NCOR2: variants seen among roughly 807,000 people sequenced by gnomAD.
The protein encoded by NCOR2 is CTG repeat protein 26.
NCOR2 carries 81 observed loss-of-function variants against 262.9 expected under a neutral mutation model. The ratio of observed to expected loss-of-function variants is 0.31; its 90% CI spans 0.26 to 0.37. The LOEUF is 0.37. NCOR2 is among the 10% of genes least tolerant of loss of function. The pLI is 1.00. For synonymous variants in NCOR2, 1,659 were observed against 1,559.3 expected, an observed-to-expected ratio of 1.06 and a Z score of -1.51; for missense variants, 3,385 against 3,621.4, an observed-to-expected ratio of 0.93 and a Z score of 1.68.
chr12:124,506,890 G>C (rs977739167), intron 1 of NCOR2, among the ~76,000 whole-genome samples: 6 of 152,182 alleles, frequency 3.9e-5, no homozygotes, highest in Non-Finnish European at 8.8e-5. Flanking sequence ...TGCCAGAGTG[G>C]GGCTCAGGGA....
chr12:124,409,813 G>A lies in NCOR2; in HGVS notation c.1483-7252C>T, dbSNP rs564470836. ...CCACCTCAGCCTCCCAAGAAGCTCGGACCACAGCAGCAAGCCACCTCACCC... is the reference window on the plus strand; with the variant it reads ...CCACCTCAGCCTCCCAAGAAGCTCGAACCACAGCAGCAAGCCACCTCACCC... On this transcript the variant is annotated intron_variant, in intron 13 of 46. Coordinates refer to ENST00000405201, the Ensembl canonical transcript of NCOR2. Among the ~76,000 whole-genome samples the A allele has an allele frequency of 3.3e-5, 5 of 152,170 alleles. No individual in the cohort carries two copies. In the South Asian group the frequency reaches 6.2e-4, roughly 19 times the overall value.
rs376948669 is a variant in NCOR2 at position 124,446,102 on chromosome 12, A to G, written c.815+3713T>C. On this transcript the variant is annotated intron_variant, in intron 7 of 46. Coordinates refer to ENST00000405201, the Ensembl canonical transcript of NCOR2. ...GAGACAGTTTCTGCAGTCTAGCATG[A>G]GCGGTCACAAAACATCAGAGCCTGC... 9.2e-5 allele frequency among the ~76,000 whole-genome samples: 14 copies of G among 152,338 alleles called. No homozygotes were observed. The East Asian group carries it at 2.7e-3, about 29-fold the overall frequency.
chr12:124,441,618 G>C (rs1593557840), intron 7 of NCOR2, among the ~76,000 whole-genome samples: 1 of 152,226 alleles, frequency 6.6e-6, no homozygotes, highest in South Asian at 2.1e-4. Flanking sequence ...AATTTGCACA[G>C]TCTCAAAGAA....
chr12:124,524,412 G>C (rs975133433), intron 1 of NCOR2, among the ~76,000 whole-genome samples: 2 of 152,106 alleles, frequency 1.3e-5, no homozygotes, highest in Non-Finnish European at 2.9e-5. Flanking sequence ...AACAAATGTC[G>C]AGGACCTCAC....
chr12:124,331,264 T>C (rs2035169819), intron 43 of NCOR2, among the ~76,000 whole-genome samples: 1 of 152,096 alleles, frequency 6.6e-6, no homozygotes, highest in Non-Finnish European at 1.5e-5. Flanking sequence ...GGTTTCACCA[T>C]GTTGGTCAGG....
chr12:124,545,458 T>C (rs1295419238), intron 1 of NCOR2, among the ~76,000 whole-genome samples: 1 of 152,014 alleles, frequency 6.6e-6, no homozygotes, highest in Non-Finnish European at 1.5e-5. Flanking sequence ...CCCCATCAGC[T>C]TTCAGCCCCT....
chr12:124,402,170 G>A (rs1478322310), intron 14 of NCOR2, among the ~76,000 whole-genome samples: 2 of 152,198 alleles, frequency 1.3e-5, no homozygotes, highest in Admixed American at 1.3e-4. Context: ...TCTCCAGAGG[G>A]TTGGAGAAAG....
chr12:124,396,979 G>A (rs2041712575), intron 16 of NCOR2, among the ~76,000 whole-genome samples: 1 of 152,238 alleles, frequency 6.6e-6, no homozygotes, highest in South Asian at 2.1e-4. Flanking sequence ...CAGGGCCACG[G>A]GACCAAGCAC....
chr12:124,374,230 G>A (rs141951248), intron 19 of NCOR2, among the ~76,000 whole-genome samples, 183 bp downstream of exon 21: 12 of 152,354 alleles, frequency 7.9e-5, no homozygotes, highest in African/African-American at 2.6e-4. Flanking sequence ...GAGTGAGCCC[G>A]GGACCAGCAT....
intron 22 of NCOR2, among the ~76,000 whole-genome samples, chr12:124,360,971 T>C (rs756204911): frequency 3.3e-5 from 5 of 151,890 alleles, no homozygotes; most frequent in Non-Finnish European, 4.4e-5. Flanking sequence ...CCCTACCTAA[T>C]CCCCGCTCTG....
At chr12:124,516,374 G>C (rs1207766707) in intron 1 of NCOR2, among the ~76,000 whole-genome samples, 1 of 152,220 alleles carries the variant, frequency 6.6e-6, no homozygotes. Flanking sequence ...GGGCAGAACA[G>C]GCAGGCATGG....
chr12:124,450,794 C>T (rs1025126767), intron 6 of NCOR2, among the ~76,000 whole-genome samples: 7 of 152,236 alleles, frequency 4.6e-5, no homozygotes, highest in Admixed American at 2.0e-4. Context: ...GTTCAAGTCC[C>T]GGTTCTGATA....
intron 46 of NCOR2, 82 bp downstream of exon 48, chr12:124,326,109 T>C (rs2034617915): frequency 2.9e-6 from 4 of 1,356,916 alleles, no homozygotes; most frequent in African/African-American, 1.5e-5. Context: ...CAGCAGGCGC[T>C]CAGCATTCAG....
chr12:124,367,536 C>T (rs1361689685), intron 20 of NCOR2, among the ~76,000 whole-genome samples: 1 of 152,182 alleles, frequency 6.6e-6, no homozygotes, highest in Non-Finnish European at 1.5e-5. Context: ...TCTGACCGCC[C>T]CTTGTCCCGT....
rs2047765495 is a variant in NCOR2, at chr12:124,486,334, T to C, written c.233+107A>G. ...GGTGAACACACGGCCCGACATCCCC[T>C]CATTTCACAGGACCCTGTGTGCTCC... On this transcript the variant is annotated intron_variant, in intron 2 of 46. Coordinates refer to ENST00000405201, the Ensembl canonical transcript of NCOR2. 2.0e-6 allele frequency: 3 copies of C among 1,504,452 alleles called. No individual in the cohort carries two copies. In the East Asian group the frequency reaches 7.4e-5, roughly 37 times the overall value. 93.2% of individuals were successfully genotyped at this position (1,504,452 alleles called of 1,614,324 possible).
chr12:124,495,161 C>T lies in NCOR2; in HGVS notation c.91G>A (p.Ala31Thr), dbSNP rs373785990. 2 of 1,613,688 alleles carry T rather than the reference C, an allele frequency of 1.2e-6. No individual in the cohort carries two copies. The highest frequency in any genetic ancestry group is 1.7e-6 in the Non-Finnish European group (2 of 1,179,884). The change falls in exon 1 of 47, where the codon GCC (alanine) becomes ACC (threonine). Residue 31 changes from alanine (A) to threonine (T), a missense_variant. This residue lies in a region of NCOR2 where 237 missense variants were observed against 229.4 expected (regional missense o/e 1.03). Transcript: ENST00000405201. The surrounding 1 kb of genome is among the most constrained non-coding windows in gnomAD (Gnocchi z 4.4). ...CACCCCCTTACCGTGTGCGTCCGGGCGATCTGCACTGGGTAGGAAAGGCTG... is the reference window on the plus strand; with the variant it reads ...CACCCCCTTACCGTGTGCGTCCGGGTGATCTGCACTGGGTAGGAAAGGCTG...
Position 124,335,812 on chromosome 12 carries a change from G to C in NCOR2, c.6116-180C>G, listed in dbSNP as rs183173392. On this transcript the variant is annotated intron_variant, in intron 38 of 46. Transcript: ENST00000405201. ...GAGGGGTGTTGGGGAGAGACAGGGA[G>C]GCCAAGGGAGAGGTGGAGAGAGATG... 1.7e-3 allele frequency: 1,077 copies of C among 643,156 alleles called. 11 individuals carry two copies. The highest frequency in any genetic ancestry group is 0.016 in the South Asian group (770 of 48,620). 39.8% of individuals were successfully genotyped at this position (643,156 alleles called of 1,614,324 possible).
intron 8 of NCOR2, among the ~76,000 whole-genome samples, chr12:124,436,001 G>C (rs912685523): frequency 6.6e-6 from 1 of 152,226 alleles, no homozygotes; most frequent in Non-Finnish European, 1.5e-5. Context: ...CAACACAACA[G>C]GCACCGGAAG....
chr12:124,388,827 C>T lies in NCOR2; in HGVS notation c.1877-2940G>A, dbSNP rs1046532494. On this transcript the variant is annotated intron_variant, in intron 16 of 46. Coordinates refer to ENST00000405201, the Ensembl canonical transcript of NCOR2. ...GAGGCTGCTGGTTGGCGTCTGCTGG[C>T]GGCTCAGCTCAGCCTCACATCCTTC... is the stretch of plus-strand genomic sequence containing the variant. The T allele has an allele frequency of 1.1e-5, 14 of 1,282,984 alleles. No individual in the cohort carries two copies. The East Asian group carries it at 3.5e-4, about 32-fold the overall frequency. The allele number at this position is 1,282,984 out of a possible 1,614,324, so 79.5% of individuals were successfully genotyped here.
Sources: allele counts gnomAD v4.1 joint callset (sites outside exome capture counted in the v4.1 genomes callset), GRCh38; gene constraint gnomAD v4.1.1; regional missense constraint gnomAD v4.1.1; non-coding constraint Gnocchi (gnomAD v3.1); transcripts MANE v1.5; gene names NCBI Gene and HGNC (gene_info 2026-07-23, HGNC 2026-07-21).